The following STX1B variants were observed in gnomAD, a reference collection of about 807,000 sequenced individuals.
The protein encoded by STX1B is syntaxin 1B.
STX1B carries 7 observed loss-of-function variants against 39.4 expected under a neutral mutation model. The observed-to-expected ratio is 0.18, with a 90% CI of 0.10 to 0.33. The LOEUF is 0.33. Among genes scored for constraint, STX1B ranks in the 10% least tolerant of loss-of-function variants. The probability of loss-of-function intolerance (pLI) is 1.00; values close to 1 mark genes in which losing one functional copy is unlikely to be tolerated. For synonymous variants in STX1B, 136 were observed against 144.1 expected (o/e 0.94, Z 0.40); for missense variants, 198 against 383.2 (o/e 0.52, Z 4.04).
chr16:30,996,652 A>G, intron 7 of STX1B, 31 bp downstream of exon 7: 1 of 1,606,370 alleles, frequency 6.2e-7, no homozygotes, highest in African/African-American at 1.3e-5. Flanking sequence ...AAAATTTTCC[A>G]AAAGCAGAGC....
chr16:30,993,533 G>A (rs1428052851), intron 7 of STX1B, 49 bp from the exon 8 acceptor site: 33 of 1,604,860 alleles, frequency 2.1e-5, no homozygotes, highest in African/African-American at 9.4e-5. Flanking sequence ...CGCCATGAGC[G>A]CCTCCACCGC....
At chr16:31,006,773 C>T (rs920400460) in intron 1 of STX1B, among the ~76,000 whole-genome samples, 7 of 152,130 alleles carry the variant, frequency 4.6e-5, no homozygotes, top group South Asian at 2.1e-4. Flanking sequence ...ACAGCATGCG[C>T]GAAGGTCCTT....
intron 1 of STX1B, among the ~76,000 whole-genome samples, chr16:31,007,519 T>G (rs1433129898): frequency 6.6e-6 from 1 of 152,150 alleles, no homozygotes; most frequent in Non-Finnish European, 1.5e-5. Flanking sequence ...GGACACCTAT[T>G]TAGCTGATTA....
chr16:31,008,944 T>G (rs1007658213), intron 1 of STX1B, among the ~76,000 whole-genome samples: 9 of 152,318 alleles, frequency 5.9e-5, no homozygotes, highest in African/African-American at 2.2e-4. Flanking sequence ...TGAATATGCA[T>G]AAAACACTTC....
chr16:30,992,550 G>A lies in STX1B; in HGVS notation c.*271C>T, dbSNP rs138046858. ...TCACACACATCACACGCACACGCAC[G>A]CTGGGGTGTCCACACGTCTCGAGCA... On this transcript the variant is annotated 3_prime_UTR_variant, in exon 10 of 10. Transcript: ENST00000215095. 3.6e-3 allele frequency: 1,573 copies of A among 432,236 alleles called. 9 individuals carry two copies. The highest frequency in any genetic ancestry group is 0.019 in the African/African-American group (932 of 49,854). 26.8% of individuals were successfully genotyped at this position (432,236 alleles called of 1,614,324 possible).
At position 30,993,396 on chromosome 16, in the gene STX1B, C is replaced by T. The variant is rs1325555084; in HGVS notation, c.626G>A (p.Arg209His). Residue 209 changes from arginine (R) to histidine (H), a missense_variant, in exon 8 of 10, where the codon CGC (arginine) becomes CAC (histidine). By Grantham distance (29) the Arg-to-His change is conservative. Coordinates refer to ENST00000215095, the MANE Select transcript of STX1B (RefSeq NM_052874.5). ...GTCCACAAACATATCGTGCAGCTCG[C>T]GGATGCTGGTCTCCAGCTTGATGAT... is the stretch of plus-strand genomic sequence containing the variant. ...NEIIKLETSI[R>H]ELHDMFVDMA... 2.5e-6 allele frequency: 4 copies of T among 1,614,120 alleles called. No homozygotes were observed. The highest frequency in any genetic ancestry group is 3.4e-6 in the Non-Finnish European group (4 of 1,180,044).
In STX1B at chr16:30,993,500, A is replaced by G. The variant is rs1228944811; in HGVS notation, c.538-16T>C. On this transcript the variant is annotated splice_polypyrimidine_tract_variant and intron_variant, in intron 7 of 9. Coordinates refer to ENST00000215095, the MANE Select transcript of STX1B (RefSeq NM_052874.5). ...CCATTTTGATCTAGGGTGACGAGGGAGAGAGCTACAATCACCCTTCTCCGC... is the reference window on the plus strand; with the variant it reads ...CCATTTTGATCTAGGGTGACGAGGGGGAGAGCTACAATCACCCTTCTCCGC... The G allele has an allele frequency of 6.2e-7, 1 of 1,612,658 alleles. No homozygotes were observed.
intron 9 of STX1B, 25 bp from the exon 10 acceptor site, chr16:30,992,926 AG>A: frequency 2.5e-6 from 4 of 1,597,878 alleles, no homozygotes; most frequent in Non-Finnish European, 3.4e-6. Context: ...GGAGTGAGAC[AG>A]GCAGACAGTG....
intron 7 of STX1B, 137 bp from the exon 8 acceptor site, chr16:30,993,621 C>G (rs2056575367): frequency 3.1e-6 from 3 of 961,916 alleles, no homozygotes; most frequent in Admixed American, 4.8e-5. Context: ...CTCTTGGCCT[C>G]AGTTTCCCCA....
At chr16:30,996,609 C>T (rs1021971042) in intron 7 of STX1B, 74 bp downstream of exon 7, 1 of 1,366,998 alleles carries the variant, frequency 7.3e-7, no homozygotes, top group African/African-American at 1.4e-5. Context: ...GACTTAGGAC[C>T]TTAGTTCAAC....
Position 30,989,522 on chromosome 16 carries a change from G to A in STX1B, c.*3299C>T, listed in dbSNP as rs1460990751. The A allele has an allele frequency of 6.6e-6, 1 of 152,252 alleles. No individual in the cohort carries two copies. The highest frequency in any genetic ancestry group is 1.5e-5 in the Non-Finnish European group (1 of 68,092). 9.4% of individuals were successfully genotyped at this position (152,252 alleles called of 1,614,324 possible). The stretch of plus-strand genomic sequence containing the variant: ...GTCCTGTCCCCTCTGAGAAGGGGAG[G>A]GAGAGAGCTCTAGAAACCAACGGAG... On this transcript the variant is annotated 3_prime_UTR_variant, in exon 10 of 10. Transcript: ENST00000215095.
rs577491764 is a variant in STX1B at position 31,010,349 on chromosome 16, C to T, written c.30+18G>A. 17 of 800,632 alleles carry T rather than the reference C, an allele frequency of 2.1e-5. No individual in the cohort carries two copies. The highest frequency in any genetic ancestry group is 1.5e-4 in the East Asian group (5 of 32,686). 49.6% of individuals were successfully genotyped at this position (800,632 alleles called of 1,614,324 possible). ...TATTGGGGTCCCGCCCCCCCATTCT[C>T]CCCACCCCCAAGCTCACACTCCGCA... On this transcript the variant is annotated intron_variant, in intron 1 of 9. Transcript: ENST00000215095.
intron 1 of STX1B, among the ~76,000 whole-genome samples, chr16:31,008,851 T>C (rs768741204): frequency 1.9e-4 from 29 of 152,152 alleles, no homozygotes; most frequent in Non-Finnish European, 2.9e-5. Flanking sequence ...AGATAACATA[T>C]ATCTATATAT....
rs2056601779 is a variant in STX1B at position 30,997,495 on chromosome 16, C to CT, written c.354+6dup. On this transcript the variant is annotated splice_region_variant and intron_variant, in intron 5 of 9. Transcript: ENST00000215095. ...GACCCGACCCCCAATGGGCTGCCGC[C>CT]TCCTACCTGGGTCTTGCGGATGCGC... The CT allele has an allele frequency of 1.2e-6, 2 of 1,601,140 alleles. No individual in the cohort carries two copies. The highest frequency in any genetic ancestry group is 1.7e-6 in the Non-Finnish European group (2 of 1,174,884).
intron 5 of STX1B, 96 bp downstream of exon 5, chr16:30,997,406 C>A: frequency 8.9e-7 from 1 of 1,126,052 alleles, no homozygotes; most frequent in Non-Finnish European, 1.3e-6. Context: ...CCTGACCACG[C>A]CCCCGCCGGT....
At chr16:30,998,823 A>C (rs1443669181) in intron 4 of STX1B, among the ~76,000 whole-genome samples, 3 of 152,124 alleles carry the variant, frequency 2.0e-5, no homozygotes, top group African/African-American at 7.2e-5. Context: ...AGAGTGTTCA[A>C]GGTCAAGGCT....
chr16:31,009,759 A>G (rs2056671706), intron 1 of STX1B, among the ~76,000 whole-genome samples: 2 of 150,232 alleles, frequency 1.3e-5, no homozygotes, highest in South Asian at 4.2e-4. Flanking sequence ...CTGCATCCCC[A>G]TCTCCCACCT....
intron 1 of STX1B, among the ~76,000 whole-genome samples, chr16:31,009,935 G>GT (rs2056672420): frequency 6.6e-6 from 1 of 152,004 alleles, no homozygotes. Flanking sequence ...GTCCCAACCT[G>GT]TGTCCTTCCC....
intron 7 of STX1B, among the ~76,000 whole-genome samples, chr16:30,995,140 A>G (rs1003580144): frequency 6.6e-6 from 1 of 151,978 alleles, no homozygotes; most frequent in African/African-American, 2.4e-5. Context: ...TTTTTAAATC[A>G]AAAAAACATT....
Sources: gnomAD v4.1 joint callset for allele counts (sites outside exome capture counted in the v4.1 genomes callset) on GRCh38, gnomAD v4.1.1 for gene constraint, MANE v1.5 for transcripts, NCBI Gene and HGNC (gene_info 2026-07-23, HGNC 2026-07-21) for gene names.